The following TAB2 variants were observed in gnomAD, a reference collection of about 807,000 sequenced individuals.
TAB2 encodes TGF-beta-activated kinase 1 and MAP3K7-binding protein 2.
Under a neutral mutation model 65.0 loss-of-function variants are expected in TAB2, and 3 were observed. The ratio of observed to expected loss-of-function variants is 0.05; its 90% CI spans 0.02 to 0.12. The LOEUF is 0.12. TAB2 is among the 10% of genes least tolerant of loss of function. The pLI is 1.00. For missense variants in TAB2, 623 were observed against 840.3 expected (o/e 0.74, Z 3.20); for synonymous variants, 298 against 285.1 (o/e 1.05, Z -0.46).
intron 1 of TAB2, among the ~76,000 whole-genome samples, chr6:149,261,704 G>A (rs1198633964): frequency 1.3e-5 from 2 of 152,002 alleles, no homozygotes; most frequent in Non-Finnish European, 2.9e-5. Flanking sequence ...GACTGTTGAC[G>A]AAAAAAGGAA....
chr6:149,382,356 G>C (rs1781640110), intron 3 of TAB2, among the ~76,000 whole-genome samples: 1 of 152,214 alleles, frequency 6.6e-6, no homozygotes. Context: ...CCAGCACTTT[G>C]GGAGGCCGAG....
chr6:149,305,975 T>C (rs1779059420), intron 1 of TAB2, among the ~76,000 whole-genome samples: 1 of 152,244 alleles, frequency 6.6e-6, no homozygotes, highest in Non-Finnish European at 1.5e-5. Context: ...CACCTTTAAG[T>C]ACCACCACAA....
At chr6:149,221,019 T>C (rs1410022131) in intron 1 of TAB2, 1 of 152,208 alleles carries the variant, frequency 6.6e-6, no homozygotes, top group Non-Finnish European at 1.5e-5. Context: ...ACAACTTCAC[T>C]TAGTTATTTT....
intron 1 of TAB2, chr6:149,246,835 G>A: frequency 6.6e-6 from 1 of 152,306 alleles, no homozygotes; most frequent in Non-Finnish European, 1.5e-5. Flanking sequence ...CGGCTAAGTT[G>A]CTCTTTTGAT....
chr6:149,307,985 A>C (rs1779098845), intron 1 of TAB2, among the ~76,000 whole-genome samples: 2 of 152,180 alleles, frequency 1.3e-5, no homozygotes, highest in African/African-American at 2.4e-5. Flanking sequence ...TGACAATGTC[A>C]AGAAATCTAC....
rs1169597449 is a variant in TAB2, at chr6:149,339,605, A to ATT, written c.-90+21604_-90+21605dup. Among the ~76,000 whole-genome samples, 24 of 51,210 alleles carry ATT rather than the reference A, an allele frequency of 4.7e-4. 1 individual carries two copies. Among genetic ancestry groups the ATT allele is most frequent in the African/African-American group, 1.4e-3 (22 of 15,880 alleles). The allele number at this position is 51,210 out of a possible 152,430, so 33.6% of individuals were successfully genotyped here. On this transcript the variant is annotated intron_variant, in intron 1 of 6. Transcript: ENST00000637181. ...ATCTTTTTTATTTATTTATTTATTTATTTTTTTTTTTTTTTGAGACGGAGT... is the reference window on the plus strand; with the variant it reads ...ATCTTTTTTATTTATTTATTTATTTATTTTTTTTTTTTTTTTTGAGACGGAGT...
At chr6:149,240,718 GT>G (rs1777581788) in intron 1 of TAB2, among the ~76,000 whole-genome samples, 1 of 152,052 alleles carries the variant, frequency 6.6e-6, no homozygotes. Context: ...TAAGTGTAAT[GT>G]CTGTCCAATT....
chr6:149,269,416 T>C (rs1455409883), intron 1 of TAB2, among the ~76,000 whole-genome samples: 1 of 152,224 alleles, frequency 6.6e-6, no homozygotes, highest in African/African-American at 2.4e-5. Flanking sequence ...TATTCTTTTT[T>C]CCTTTTTTAT....
chr6:149,326,051 A>G (rs1303434942), intron 1 of TAB2, among the ~76,000 whole-genome samples: 2 of 152,224 alleles, frequency 1.3e-5, no homozygotes, highest in African/African-American at 4.8e-5. Context: ...CTGTTTTAAC[A>G]GCAGCTATAG....
intron 1 of TAB2, among the ~76,000 whole-genome samples, chr6:149,235,969 A>G (rs1295449400): frequency 6.6e-6 from 1 of 152,236 alleles, no homozygotes; most frequent in African/African-American, 2.4e-5. Flanking sequence ...CCTCTTGGGA[A>G]GGGAGAATGG....
chr6:149,403,299 T>TAA, intron 6 of TAB2, among the ~76,000 whole-genome samples: 1 of 63,358 alleles, frequency 1.6e-5, no homozygotes, highest in African/African-American at 7.5e-5. Flanking sequence ...CACACACATA[T>TAA]ATATATATAT....
intron 1 of TAB2, among the ~76,000 whole-genome samples, chr6:149,220,153 G>A (rs1777110300): frequency 6.6e-6 from 1 of 152,164 alleles, no homozygotes; most frequent in African/African-American, 2.4e-5. Flanking sequence ...ACCTTCTTTT[G>A]TATTCAATCT....
intron 1 of TAB2, among the ~76,000 whole-genome samples, chr6:149,369,704 G>C (rs1376321547): frequency 6.6e-6 from 1 of 152,116 alleles, no homozygotes; most frequent in Non-Finnish European, 1.5e-5. Flanking sequence ...AAATACATAA[G>C]AGTTAGACAG....
chr6:149,394,818 G>A (rs1782113216), intron 3 of TAB2, among the ~76,000 whole-genome samples: 1 of 152,164 alleles, frequency 6.6e-6, no homozygotes, highest in Non-Finnish European at 1.5e-5. Context: ...TCCTTAATAT[G>A]GTCAGCAAGG....
chr6:149,375,778 A>G (rs1040251930), intron 2 of TAB2, among the ~76,000 whole-genome samples: 2 of 152,224 alleles, frequency 1.3e-5, no homozygotes, highest in African/African-American at 4.8e-5. Context: ...GATTGTGATC[A>G]GTTTTTCAAC....
Position 149,225,995 on chromosome 6 carries a change from C to T in TAB2, c.-121+7219C>T, listed in dbSNP as rs554936195. Among the ~76,000 whole-genome samples, 19 of 151,952 alleles carry T rather than the reference C, an allele frequency of 1.3e-4. No individual in the cohort carries two copies. The South Asian group carries it at 3.7e-3, about 30-fold the overall frequency. Reference sequence around the variant, plus strand: ...CGCTGAAGTGAAAGGGGCTTGAGTCCCACTGAGGCCTGTGCTCTCAGAAGC... The same window carrying T: ...CGCTGAAGTGAAAGGGGCTTGAGTCTCACTGAGGCCTGTGCTCTCAGAAGC... On this transcript the variant is annotated intron_variant, in intron 1 of 1. Coordinates refer to the TAB2 transcript ENST00000606202.
intron 1 of TAB2, among the ~76,000 whole-genome samples, chr6:149,233,175 A>G (rs927205401): frequency 6.6e-6 from 1 of 152,194 alleles, no homozygotes; most frequent in African/African-American, 2.4e-5. Context: ...CATGAATGCC[A>G]TGGTAACTAC....
intron 1 of TAB2, among the ~76,000 whole-genome samples, chr6:149,287,015 G>T (rs920319658): frequency 6.6e-6 from 1 of 152,134 alleles, no homozygotes; most frequent in Non-Finnish European, 1.5e-5. Flanking sequence ...TACTCGGGAG[G>T]CTCAGACAGG....
chr6:149,235,869 C>G (rs1315188961), intron 1 of TAB2, among the ~76,000 whole-genome samples: 1 of 152,204 alleles, frequency 6.6e-6, no homozygotes, highest in Admixed American at 6.5e-5. Flanking sequence ...GTCCCTTTGA[C>G]TTCCACAGGG....
Sources: gnomAD v4.1 joint callset for allele counts (sites outside exome capture counted in the v4.1 genomes callset) on GRCh38, gnomAD v4.1.1 for gene constraint, MANE v1.5 for transcripts, NCBI Gene and HGNC (gene_info 2026-07-23, HGNC 2026-07-21) for gene names.